Variants in POLDIP3 observed in about 807,000 individuals in gnomAD.
The protein encoded by POLDIP3 is polymerase delta-interacting protein 3.
POLDIP3 carries 14 observed loss-of-function variants against 45.1 expected under a neutral mutation model. The observed-to-expected ratio is 0.31, with a 90% CI of 0.20 to 0.49. POLDIP3 has a LOEUF of 0.49. Among genes scored for constraint, POLDIP3 ranks in the 20% least tolerant of loss-of-function variants. POLDIP3 has a pLI of 0.99. For missense variants in POLDIP3, 511 were observed against 538.8 expected, an observed-to-expected ratio of 0.95 and a Z score of 0.51; for synonymous variants, 223 against 205.2, an observed-to-expected ratio of 1.09 and a Z score of -0.74.
At chr22:42,609,435 C>T (rs1019327185) in intron 1 of POLDIP3, among the ~76,000 whole-genome samples, 3 of 152,168 alleles carry the variant, frequency 2.0e-5, no homozygotes, top group African/African-American at 7.2e-5. Context: ...CTCCTCTATA[C>T]CCCCTACGGG....
intron 1 of POLDIP3, among the ~76,000 whole-genome samples, chr22:42,609,526 G>A (rs1265897769): frequency 8.5e-5 from 13 of 152,210 alleles, no homozygotes; most frequent in Admixed American, 8.5e-4. Flanking sequence ...GTCTGGGGAG[G>A]GCAGGGCTAC....
rs1250416596 is a variant in POLDIP3, at chr22:42,585,639, C to T, written c.*152G>A. On this transcript the variant is annotated 3_prime_UTR_variant, in exon 9 of 9. Coordinates refer to ENST00000252115, the MANE Select transcript of POLDIP3 (RefSeq NM_032311.5). Reference sequence around the variant, plus strand: ...CAGGGCAGAACACAACACAGAAAGGCGGGTCCCATCCAGTGAGGAAGCTCT... The same window carrying T: ...CAGGGCAGAACACAACACAGAAAGGTGGGTCCCATCCAGTGAGGAAGCTCT... 8.4e-6 allele frequency: 7 copies of T among 833,496 alleles called. No individual in the cohort carries two copies. The highest frequency in any genetic ancestry group is 4.8e-5 in the Admixed American group (2 of 41,504). 51.6% of individuals were successfully genotyped at this position (833,496 alleles called of 1,614,324 possible). A position where few individuals can be genotyped will look rare whatever the true frequency, so the allele number is the denominator to read the frequency against.
chr22:42,595,412 C>A, intron 6 of POLDIP3, 125 bp downstream of exon 6: 1 of 833,926 alleles, frequency 1.2e-6, no homozygotes. Context: ...AGTCTCAGCC[C>A]TGAGCGTGAC....
At chr22:42,603,200 G>C in intron 1 of POLDIP3, 40 bp from the exon 2 acceptor site, 2 of 1,594,716 alleles carry the variant, frequency 1.3e-6, no homozygotes, top group East Asian at 4.5e-5. Context: ...GTGGATCTGG[G>C]TATCTACAGC....
chr22:42,598,090 CT>C (rs1482496101), intron 4 of POLDIP3, among the ~76,000 whole-genome samples: 10 of 133,126 alleles, frequency 7.5e-5, no homozygotes, highest in Non-Finnish European at 9.9e-5. Flanking sequence ...CTTCATGTTT[CT>C]TTTTTTTTTG....
At chr22:42,598,512 A>T (rs1322786769) in intron 4 of POLDIP3, among the ~76,000 whole-genome samples, 1 of 151,976 alleles carries the variant, frequency 6.6e-6, no homozygotes, top group East Asian at 1.9e-4. Context: ...CGGCCTCCGA[A>T]AGTGCTGGGA....
intron 3 of POLDIP3, among the ~76,000 whole-genome samples, 155 bp downstream of exon 3, chr22:42,601,815 G>A (rs1037531792): frequency 1.3e-5 from 2 of 152,034 alleles, no homozygotes; most frequent in Non-Finnish European, 2.9e-5. Context: ...CAAAAAGTTC[G>A]CTGTAACCCT....
chr22:42,602,137 C>T (rs1926430575), intron 2 of POLDIP3, 81 bp from the exon 3 acceptor site: 2 of 1,600,512 alleles, frequency 1.2e-6, no homozygotes, highest in African/African-American at 1.3e-5. Context: ...GAACTTGATA[C>T]ATGGTGGGCA....
chr22:42,589,519 T>C (rs575181201), intron 7 of POLDIP3, among the ~76,000 whole-genome samples: 12 of 151,878 alleles, frequency 7.9e-5, no homozygotes, highest in Non-Finnish European at 1.3e-4. Context: ...CCAACAGTAA[T>C]AAAGATCTCG....
At chr22:42,610,836 G>A (rs1034560243) in intron 1 of POLDIP3, among the ~76,000 whole-genome samples, 5 of 152,224 alleles carry the variant, frequency 3.3e-5, no homozygotes. Context: ...AGCCCAGGAG[G>A]CAGAGGTTGG....
At position 42,584,699 on chromosome 22, in the gene POLDIP3, C is replaced by G. The variant is rs368926799; in HGVS notation, c.*1092G>C. On this transcript the variant is annotated 3_prime_UTR_variant, in exon 9 of 9. Transcript: ENST00000252115. ...GTAGAGCTGCCCTGCTCCCTTGACT[C>G]CTCCTCCTCTGCCAAGGCAGGAAAA... The G allele has an allele frequency of 1.1e-4, 41 of 358,610 alleles. No homozygotes were observed. Among genetic ancestry groups the G allele is most frequent in the African/African-American group, 6.9e-4 (32 of 46,714 alleles). 22.2% of individuals were successfully genotyped at this position (358,610 alleles called of 1,614,324 possible). A position where few individuals can be genotyped will look rare whatever the true frequency, so the allele number is the denominator to read the frequency against.
chr22:42,603,816 G>C (rs558976536), intron 1 of POLDIP3: 1 of 152,468 alleles, frequency 6.6e-6, no homozygotes, highest in South Asian at 2.1e-4. Context: ...CACTGAAATT[G>C]GAAATGATCG....
At chr22:42,614,715 GTCGCTCCCGGATCGCTACC>G in intron 1 of POLDIP3, 65 bp downstream of exon 1, 1 of 1,479,070 alleles carries the variant, frequency 6.8e-7, no homozygotes, top group Non-Finnish European at 9.4e-7. Context: ...GGTCCTCCGC[GTCGCTCCCGGATCGCTACC>G]TCCCCCGCCT....
intron 1 of POLDIP3, among the ~76,000 whole-genome samples, chr22:42,613,686 G>C (rs2146843293): frequency 6.6e-6 from 1 of 152,236 alleles, no homozygotes; most frequent in Non-Finnish European, 1.5e-5. Context: ...GCTGGAACCG[G>C]GGAGGCGGAG....
Position 42,587,569 on chromosome 22 carries a change from TG to T in POLDIP3, c.1024del (p.Gln342SerfsTer3), listed in dbSNP as rs773242339. The part of the protein sequence containing the change: ...KKYNNRCLDG[Q>X]PMKCNLHMNG... ...CATGTGAAGGTTGCACTTCATCGGC[TG>T]CCCTGAAAAACCAAAGAAAGAAAAA... is the stretch of plus-strand genomic sequence containing the variant. On this transcript the variant is annotated frameshift_variant and splice_region_variant, in exon 8 of 9. Transcript: ENST00000252115. LOFTEE classifies it high-confidence loss of function. 1 of 1,613,946 alleles carries T rather than the reference TG, an allele frequency of 6.2e-7. No homozygotes were observed. The highest frequency in any genetic ancestry group is 8.5e-7 in the Non-Finnish European group (1 of 1,179,804).
chr22:42,612,928 G>A (rs1311852665), intron 1 of POLDIP3, among the ~76,000 whole-genome samples: 1 of 152,148 alleles, frequency 6.6e-6, no homozygotes, highest in Non-Finnish European at 1.5e-5. Flanking sequence ...CCCTGGCCAG[G>A]GAAACAGAAC....
chr22:42,608,879 G>A (rs1337202785), intron 1 of POLDIP3, among the ~76,000 whole-genome samples: 3 of 152,230 alleles, frequency 2.0e-5, no homozygotes, highest in African/African-American at 7.2e-5. Context: ...CAGTTCCCTG[G>A]TTCCACCAGT....
chr22:42,603,970 C>A (rs1005212238), intron 1 of POLDIP3, among the ~76,000 whole-genome samples: 5 of 152,114 alleles, frequency 3.3e-5, no homozygotes. Flanking sequence ...GAATGAAACT[C>A]CATAAACAGG....
intron 8 of POLDIP3, 112 bp from the exon 9 acceptor site, chr22:42,586,080 T>C: frequency 2.1e-6 from 2 of 946,658 alleles, no homozygotes; most frequent in Non-Finnish European, 3.1e-6. Flanking sequence ...TGTAACACTT[T>C]CCATACCCCT....
Sources: allele counts gnomAD v4.1 joint callset (sites outside exome capture counted in the v4.1 genomes callset), GRCh38; gene constraint gnomAD v4.1.1; transcripts MANE v1.5; gene names NCBI Gene and HGNC (gene_info 2026-07-23, HGNC 2026-07-21).